The following UNC79 variants were observed in gnomAD, a reference collection of about 807,000 sequenced individuals.
UNC79 encodes protein unc-79 homolog.
In UNC79, 37 loss-of-function variants were observed where a neutral mutation model predicts 283.1. The ratio of observed to expected loss-of-function variants is 0.13; its 90% CI spans 0.10 to 0.17. The LOEUF (loss-of-function observed/expected upper bound fraction) is 0.17, where lower values mean the gene tolerates loss of function less well. UNC79 is among the 10% of genes least tolerant of loss of function. The pLI is 1.00. For synonymous variants in UNC79, 1,107 were observed against 1,200.2 expected (o/e 0.92, Z 1.61); for missense variants, 2,272 against 3,211.1 (o/e 0.71, Z 7.07).
chr14:93,387,562 G>A (rs1003949079), intron 1 of UNC79, among the ~76,000 whole-genome samples: 5 of 152,148 alleles, frequency 3.3e-5, no homozygotes, highest in South Asian at 2.1e-4. Context: ...AGTTCCTCTC[G>A]TTATTCATTT....
intron 44 of UNC79, 125 bp from the exon 48 acceptor site, chr14:93,689,992 C>A: frequency 3.0e-6 from 3 of 998,486 alleles, no homozygotes; most frequent in Non-Finnish European, 4.4e-6. Context: ...ATTGCCTTGG[C>A]GTTTTGTTTT....
At chr14:93,680,561 C>T (rs1004406769) in intron 41 of UNC79, among the ~76,000 whole-genome samples, 1 of 152,136 alleles carries the variant, frequency 6.6e-6, no homozygotes. Flanking sequence ...AGTTGTTTGT[C>T]TTAGACTGAA....
At chr14:93,698,476 G>GT (rs71129655) in intron 47 of UNC79, among the ~76,000 whole-genome samples, 1,053 of 78,990 alleles carry the variant, frequency 0.013, 249 homozygotes, top group East Asian at 0.037. Flanking sequence ...TTTAGTTTAG[G>GT]TTTTTTTTTT....
intron 1 of UNC79, among the ~76,000 whole-genome samples, chr14:93,443,561 T>A (rs1443023224): frequency 6.6e-6 from 1 of 151,882 alleles, no homozygotes; most frequent in Non-Finnish European, 1.5e-5. Context: ...GTAGTTGGGA[T>A]TACAGGTGCA....
exon 27 of UNC79, chr14:93,612,847 G>A: frequency 6.2e-7 from 1 of 1,614,090 alleles, no homozygotes; most frequent in Non-Finnish European, 8.5e-7. Flanking sequence ...GCTCCCAGAA[G>A]ACGCTGGGAT....
intron 2 of UNC79, among the ~76,000 whole-genome samples, chr14:93,468,206 C>A (rs1391806375): frequency 6.6e-6 from 1 of 152,114 alleles, no homozygotes; most frequent in Admixed American, 6.5e-5. Flanking sequence ...GTGTAATATA[C>A]AGTGATAATA....
rs752803526 is a variant in UNC79 at position 93,622,424 on chromosome 14, G to T, written c.5191G>T (p.Glu1731Ter). The change falls in exon 30 of 49, where the codon GAG becomes TAG. Residue 1731 changes from glutamate (E) to a stop codon, truncating the protein, a stop_gained. Transcript: ENST00000555664. LOFTEE classifies it high-confidence loss of function. ...CGCCGAAGGATCCTCAAAGCCAGAG[G>T]AGCTGCCAGAGTTCTCCTGCGGTAG... 2 of 1,614,158 alleles carry T rather than the reference G, an allele frequency of 1.2e-6. No individual in the cohort carries two copies. The highest frequency in any genetic ancestry group is 1.7e-6 in the Non-Finnish European group (2 of 1,180,034).
chr14:93,367,303 A>C (rs1347468315), intron 1 of UNC79, among the ~76,000 whole-genome samples: 1 of 152,272 alleles, frequency 6.6e-6, no homozygotes, highest in African/African-American at 2.4e-5. Flanking sequence ...TAGTTGATTC[A>C]TTAAGTCAAA....
intron 25 of UNC79, 76 bp downstream of exon 25, chr14:93,600,846 C>A: frequency 6.6e-7 from 1 of 1,519,276 alleles, no homozygotes; most frequent in Non-Finnish European, 9.0e-7. Flanking sequence ...AAGACATTGG[C>A]ATGTCGTTTA....
chr14:93,391,626 G>A (rs2054885289), intron 1 of UNC79, among the ~76,000 whole-genome samples: 1 of 152,106 alleles, frequency 6.6e-6, no homozygotes, highest in Admixed American at 6.6e-5. Context: ...ACAGAGTCTT[G>A]CTGTGTTGCC....
intron 7 of UNC79, among the ~76,000 whole-genome samples, chr14:93,507,640 T>C (rs937392143): frequency 6.6e-6 from 1 of 152,192 alleles, no homozygotes; most frequent in African/African-American, 2.4e-5. Context: ...ATAATACAAA[T>C]ATTTTATTCC....
rs142058669 is a variant in UNC79 at position 93,477,694 on chromosome 14, A to G, written c.585A>G (p.Glu195=). ...CATTTCTGCACAAGGATATCATTGA[A>G]TATCTTAGCACATCTTTTCTACCAA... Residue 195 remains glutamate, a synonymous_variant, in exon 4 of 49, where the codon GAA becomes GAG. Transcript: ENST00000555664. The G allele has an allele frequency of 1.9e-6, 3 of 1,613,256 alleles. No homozygotes were observed. The African/African-American group carries it at 4.0e-5, about 22-fold the overall frequency.
intron 1 of UNC79, among the ~76,000 whole-genome samples, chr14:93,355,311 G>T (rs2054064292): frequency 6.6e-6 from 1 of 152,170 alleles, no homozygotes; most frequent in South Asian, 2.1e-4. Flanking sequence ...AGACTCTCCT[G>T]CCTCAGCCTC....
intron 7 of UNC79, among the ~76,000 whole-genome samples, chr14:93,522,002 A>T (rs552112552): frequency 6.6e-6 from 1 of 151,860 alleles, no homozygotes; most frequent in East Asian, 1.9e-4. Context: ...TGTTTTAGTA[A>T]GTTTAAATCC....
intron 1 of UNC79, among the ~76,000 whole-genome samples, chr14:93,367,642 AAAT>A (rs2054362310): frequency 9.3e-6 from 1 of 107,678 alleles, no homozygotes; most frequent in Non-Finnish European, 2.2e-5. Flanking sequence ...AAAATAGGAA[AAAT>A]AACATAAGAG....
At chr14:93,361,778 A>G (rs1490544264) in intron 1 of UNC79, among the ~76,000 whole-genome samples, 2 of 152,116 alleles carry the variant, frequency 1.3e-5, no homozygotes, top group East Asian at 1.9e-4. Flanking sequence ...TCTGGTTCTC[A>G]AGGGGAATGC....
In UNC79 at chr14:93,582,448, G is replaced by T. The variant is rs185213171; in HGVS notation, c.2803+104G>T. On this transcript the variant is annotated intron_variant, in intron 20 of 48. Transcript: ENST00000555664. ...ATCGACTTGGGCAAATTCAGACGTG[G>T]TTTCCTTAGTATAGACTCGTGCAGA... is the stretch of plus-strand genomic sequence containing the variant. 463 of 1,496,922 alleles carry T rather than the reference G, an allele frequency of 3.1e-4. 2 individuals carry two copies. In the African/African-American group the frequency reaches 5.3e-3, roughly 17 times the overall value. The allele number at this position is 1,496,922 out of a possible 1,614,324, so 92.7% of individuals were successfully genotyped here.
At chr14:93,573,861 T>C (rs1322621374) in intron 16 of UNC79, among the ~76,000 whole-genome samples, 1 of 152,098 alleles carries the variant, frequency 6.6e-6, no homozygotes, top group African/African-American at 2.4e-5. Flanking sequence ...AAAAATTAGC[T>C]GGTCGTGGTG....
At chr14:93,513,638 C>T (rs1292592664) in intron 7 of UNC79, among the ~76,000 whole-genome samples, 1 of 152,128 alleles carries the variant, frequency 6.6e-6, no homozygotes, top group Non-Finnish European at 1.5e-5. Context: ...TCCATCACCT[C>T]AAGGATTTAT....
Sources: gnomAD v4.1 joint callset for allele counts (sites outside exome capture counted in the v4.1 genomes callset) on GRCh38, gnomAD v4.1.1 for gene constraint, MANE v1.5 for transcripts, NCBI Gene and HGNC (gene_info 2026-07-23, HGNC 2026-07-21) for gene names.